PTPRO: variants seen among roughly 807,000 people sequenced by gnomAD.
PTPRO encodes protein tyrosine phosphatase receptor type O, also known as receptor-type tyrosine-protein phosphatase O.
Under a neutral mutation model 145.2 loss-of-function variants are expected in PTPRO, and 62 were observed. The observed-to-expected ratio is 0.43, with a 90% CI of 0.35 to 0.53. The LOEUF (loss-of-function observed/expected upper bound fraction) is 0.53. Among genes scored for constraint, PTPRO ranks in the 20% least tolerant of loss-of-function variants. The pLI, the probability that PTPRO is intolerant of heterozygous loss-of-function variation, is 0.01. For missense variants in PTPRO, 1,345 were observed against 1,482.7 expected, an observed-to-expected ratio of 0.91 and a Z score of 1.53; for synonymous variants, 565 against 514.7, an observed-to-expected ratio of 1.10 and a Z score of -1.32.
At chr12:15,453,816 G>C (rs190471403) in intron 1 of PTPRO, among the ~76,000 whole-genome samples, 1 of 152,054 alleles carries the variant, frequency 6.6e-6, no homozygotes. Flanking sequence ...CTCAGATAAG[G>C]GGAATCATGC....
At chr12:15,451,590 T>C (rs576926028) in intron 1 of PTPRO, among the ~76,000 whole-genome samples, 1 of 152,304 alleles carries the variant, frequency 6.6e-6, no homozygotes, top group African/African-American at 2.4e-5. Flanking sequence ...GACCAGATGA[T>C]AGGCCACAAA....
intron 1 of PTPRO, among the ~76,000 whole-genome samples, chr12:15,376,633 T>A (rs1938696150): frequency 6.6e-6 from 1 of 152,086 alleles, no homozygotes; most frequent in Non-Finnish European, 1.5e-5. Flanking sequence ...AGTTCTGGAG[T>A]CTGGGAATTC....
intron 1 of PTPRO, among the ~76,000 whole-genome samples, chr12:15,473,633 G>C (rs1240721269): frequency 6.6e-6 from 1 of 151,916 alleles, no homozygotes; most frequent in Admixed American, 6.6e-5. Context: ...CAGGCGTTGT[G>C]GTGGGCACCT....
intron 12 of PTPRO, among the ~76,000 whole-genome samples, chr12:15,529,148 C>T (rs1338470133): frequency 6.6e-6 from 1 of 152,118 alleles, no homozygotes; most frequent in African/African-American, 2.4e-5. Flanking sequence ...CCATCCATAA[C>T]TCTGGTATAA....
intron 6 of PTPRO, among the ~76,000 whole-genome samples, chr12:15,504,645 G>C (rs1002297333): frequency 2.0e-5 from 3 of 152,196 alleles, no homozygotes; most frequent in African/African-American, 7.2e-5. Flanking sequence ...AACAGTGCCT[G>C]CCTCTATAAC....
chr12:15,455,844 G>A (rs1327014908), intron 1 of PTPRO, among the ~76,000 whole-genome samples: 1 of 152,144 alleles, frequency 6.6e-6, no homozygotes, highest in Non-Finnish European at 1.5e-5. Flanking sequence ...TGAATGCCTT[G>A]TGTTTCTTTT....
chr12:15,501,369 T>C (rs1212121497), intron 4 of PTPRO, among the ~76,000 whole-genome samples: 1 of 152,208 alleles, frequency 6.6e-6, no homozygotes, highest in East Asian at 1.9e-4. Context: ...TCAACAAGCA[T>C]AATATTGTAA....
At chr12:15,455,387 C>T (rs1941150770) in intron 1 of PTPRO, among the ~76,000 whole-genome samples, 1 of 150,686 alleles carries the variant, frequency 6.6e-6, no homozygotes, top group Non-Finnish European at 1.5e-5. Context: ...AATGGTATAA[C>T]ATTTGGGACT....
chr12:15,337,361 A>G (rs141167087), intron 1 of PTPRO: 1 of 152,310 alleles, frequency 6.6e-6, no homozygotes, highest in African/African-American at 2.4e-5. Flanking sequence ...GTGATTATGT[A>G]ATTTATCATA....
At chr12:15,574,338 A>G (rs570207094) in intron 19 of PTPRO, among the ~76,000 whole-genome samples, 1 of 152,310 alleles carries the variant, frequency 6.6e-6, no homozygotes, top group South Asian at 2.1e-4. Flanking sequence ...TACATTTCAC[A>G]TGGGAAAGAT....
At chr12:15,507,676 T>C (rs904340058) in intron 6 of PTPRO, among the ~76,000 whole-genome samples, 2 of 152,188 alleles carry the variant, frequency 1.3e-5, no homozygotes, top group Non-Finnish European at 2.9e-5. Flanking sequence ...TCCATATCTC[T>C]TTACTATAAT....
chr12:15,491,451 C>T lies in PTPRO; in HGVS notation c.350-5794C>T, dbSNP rs61908055. Among the ~76,000 whole-genome samples the T allele has an allele frequency of 1.3e-3, 200 of 152,252 alleles. 1 individual carries two copies. Among genetic ancestry groups the T allele is most frequent in the Middle Eastern group, 3.4e-3 (1 of 294 alleles). ...TTTCTTGTCTCTTCTCCGAGATAGT[C>T]ACATCCAGAACTTTCAAAACTTTCC... On this transcript the variant is annotated intron_variant, in intron 2 of 26. Transcript: ENST00000281171.
At chr12:15,433,046 T>C (rs1185154166) in intron 1 of PTPRO, among the ~76,000 whole-genome samples, 1 of 152,106 alleles carries the variant, frequency 6.6e-6, no homozygotes, top group Non-Finnish European at 1.5e-5. Flanking sequence ...TTTAATTAGA[T>C]CCCAATTGTT....
chr12:15,433,365 A>C (rs575893093), intron 1 of PTPRO, among the ~76,000 whole-genome samples: 1 of 151,978 alleles, frequency 6.6e-6, no homozygotes, highest in African/African-American at 2.4e-5. Context: ...GTATTTTTTT[A>C]GTAGAGACAG....
At chr12:15,393,152 T>G (rs1939238184) in intron 1 of PTPRO, among the ~76,000 whole-genome samples, 1 of 152,190 alleles carries the variant, frequency 6.6e-6, no homozygotes, top group African/African-American at 2.4e-5. Flanking sequence ...GCCTTCCACA[T>G]GTTTTCTTGG....
intron 19 of PTPRO, among the ~76,000 whole-genome samples, chr12:15,574,577 T>A (rs149406697): frequency 6.6e-6 from 1 of 152,348 alleles, no homozygotes; most frequent in African/African-American, 2.4e-5. Flanking sequence ...TTACTTGCTA[T>A]AGATGGAACC....
At chr12:15,558,943 C>A (rs985646734) in intron 16 of PTPRO, among the ~76,000 whole-genome samples, 6 of 152,022 alleles carry the variant, frequency 3.9e-5, no homozygotes, top group African/African-American at 1.4e-4. Context: ...ATCCATCAAC[C>A]CTTGATGGTG....
chr12:15,531,211 A>G (rs919583927), intron 12 of PTPRO, among the ~76,000 whole-genome samples: 1 of 152,176 alleles, frequency 6.6e-6, no homozygotes, highest in Non-Finnish European at 1.5e-5. Flanking sequence ...GATGAAAGTC[A>G]TAATAAAGTC....
intron 1 of PTPRO, among the ~76,000 whole-genome samples, chr12:15,419,039 A>G (rs1940059983): frequency 1.3e-5 from 2 of 151,686 alleles, no homozygotes; most frequent in South Asian, 4.1e-4. Context: ...CGCATATTAA[A>G]TGCTAGATCA....
Sources: gnomAD v4.1 joint callset for allele counts (sites outside exome capture counted in the v4.1 genomes callset) on GRCh38, gnomAD v4.1.1 for gene constraint, MANE v1.5 for transcripts, NCBI Gene and HGNC (gene_info 2026-07-23, HGNC 2026-07-21) for gene names.